GCSAML: variants seen among roughly 807,000 people sequenced by gnomAD.
GCSAML encodes germinal center associated signaling and motility like, also known as germinal center-associated signaling and motility-like protein.
A neutral mutation model predicts 13.0 loss-of-function variants in GCSAML; 9 were observed. The ratio of observed to expected loss-of-function variants is 0.69; its 90% confidence interval spans 0.42 to 1.21. The LOEUF (loss-of-function observed/expected upper bound fraction) is 1.21, where lower values mean the gene tolerates loss of function less well. Ranked by LOEUF, GCSAML falls within the 50% of genes most tolerant of loss-of-function variation. GCSAML has a pLI of 0.00. For synonymous variants in GCSAML, 37 were observed against 52.9 expected, an observed-to-expected ratio of 0.70 and a Z score of 1.31; for missense variants, 143 against 153.4, an observed-to-expected ratio of 0.93 and a Z score of 0.36.
chr1:247,559,930 C>T (rs1668067916), intron 2 of GCSAML, among the ~76,000 whole-genome samples: 1 of 152,162 alleles, frequency 6.6e-6, no homozygotes, highest in African/African-American at 2.4e-5. Context: ...GATCCTATCT[C>T]CAAATACAGT....
At chr1:247,531,410 G>T in intron 2 of GCSAML, 2 of 794,136 alleles carry the variant, frequency 2.5e-6, no homozygotes, top group Non-Finnish European at 4.0e-6. Flanking sequence ...GAAATGGCAT[G>T]AGCACACTCC....
At chr1:247,537,493 C>T (rs1919857) in intron 2 of GCSAML, among the ~76,000 whole-genome samples, 54,697 of 151,970 alleles carry the variant, frequency 0.36, 10,443 homozygotes, top group African/African-American at 0.49. Flanking sequence ...TCTGATTCTA[C>T]TGGGTATACC....
chr1:247,571,493 A>G (rs986744264), intron 4 of GCSAML, among the ~76,000 whole-genome samples: 10 of 152,196 alleles, frequency 6.6e-5, no homozygotes, highest in African/African-American at 2.4e-4. Context: ...TTCTGGGTTG[A>G]AAATTCTTGT....
At chr1:247,537,712 A>G (rs1667270106) in intron 2 of GCSAML, among the ~76,000 whole-genome samples, 1 of 151,578 alleles carries the variant, frequency 6.6e-6, no homozygotes, top group Non-Finnish European at 1.5e-5. Context: ...ACAAAGTGGC[A>G]TCTCATTGTG....
chr1:247,524,832 A>G (rs572437623), intron 1 of GCSAML: 2 of 152,328 alleles, frequency 1.3e-5, no homozygotes, highest in Non-Finnish European at 1.5e-5. Flanking sequence ...AATCATGTCA[A>G]CTACCGCTAC....
chr1:247,560,684 G>A (rs1243892169), intron 2 of GCSAML, among the ~76,000 whole-genome samples: 1 of 151,980 alleles, frequency 6.6e-6, no homozygotes, highest in African/African-American at 2.4e-5. Flanking sequence ...TGTATATACG[G>A]TGAAGTGATT....
chr1:247,554,652 T>C (rs1392908035), intron 1 of GCSAML, among the ~76,000 whole-genome samples: 2 of 152,182 alleles, frequency 1.3e-5, no homozygotes, highest in Admixed American at 1.3e-4. Flanking sequence ...AGTTCCTTTA[T>C]GATTCCCTCT....
chr1:247,537,359 A>T (rs2103015962), intron 2 of GCSAML, among the ~76,000 whole-genome samples: 1 of 152,306 alleles, frequency 6.6e-6, no homozygotes. Context: ...CCTTTTGTTT[A>T]TTCATCTGTT....
intron 2 of GCSAML, among the ~76,000 whole-genome samples, chr1:247,541,146 T>C (rs752951023): frequency 1.3e-5 from 2 of 152,014 alleles, no homozygotes; most frequent in African/African-American, 2.4e-5. Flanking sequence ...GTTTAAATTA[T>C]AAATCCTGTG....
At chr1:247,530,075 T>G (rs1450905333) in intron 2 of GCSAML, 1 of 152,136 alleles carries the variant, frequency 6.6e-6, no homozygotes, top group African/African-American at 2.4e-5. Flanking sequence ...TTACACATAT[T>G]TTTGGTTCTG....
intron 2 of GCSAML, among the ~76,000 whole-genome samples, chr1:247,560,220 A>T (rs1290080061): frequency 6.6e-6 from 1 of 152,212 alleles, no homozygotes; most frequent in Non-Finnish European, 1.5e-5. Flanking sequence ...GAGTGGCTGA[A>T]TTCCCCATTC....
chr1:247,511,580 C>T (rs1438415701), intron 1 of GCSAML, among the ~76,000 whole-genome samples: 1 of 152,120 alleles, frequency 6.6e-6, no homozygotes, highest in African/African-American at 2.4e-5. Flanking sequence ...GGTTATTTTG[C>T]CAGCTACTAG....
At chr1:247,535,996 A>G (rs1667203368) in intron 2 of GCSAML, among the ~76,000 whole-genome samples, 3 of 152,234 alleles carry the variant, frequency 2.0e-5, no homozygotes, top group African/African-American at 7.2e-5. Flanking sequence ...ATCGCAGAAC[A>G]TAGGCAAGCT....
chr1:247,566,254 A>T (rs906419253), intron 4 of GCSAML, among the ~76,000 whole-genome samples: 1 of 151,934 alleles, frequency 6.6e-6, no homozygotes, highest in South Asian at 2.1e-4. Context: ...TTATTTATTT[A>T]TTTTTTGAGA....
At chr1:247,507,579 T>C (rs1307717887) in intron 1 of GCSAML, among the ~76,000 whole-genome samples, 2 of 152,138 alleles carry the variant, frequency 1.3e-5, no homozygotes, top group Non-Finnish European at 2.9e-5. Context: ...AAGTGCAGGT[T>C]TGTTAAGCAT....
In GCSAML at chr1:247,537,021, T is replaced by C. The variant is rs921207690; in HGVS notation, c.-148+9967T>C. The stretch of plus-strand genomic sequence containing the variant: ...TAACTATTTTAAGTGTGCAAGTCAG[T>C]GGAATTAAGTTCTTTCACAAGACTG... On this transcript the variant is annotated intron_variant, in intron 2 of 5. Transcript: ENST00000366489. 4.6e-5 allele frequency among the ~76,000 whole-genome samples: 7 copies of C among 152,316 alleles called. No individual in the cohort carries two copies. In the East Asian group the frequency reaches 1.2e-3, roughly 25 times the overall value.
intron 1 of GCSAML, among the ~76,000 whole-genome samples, chr1:247,516,657 G>T (rs7541002): frequency 1.3e-5 from 2 of 150,486 alleles, no homozygotes; most frequent in Non-Finnish European, 2.9e-5. Context: ...AATCCTTTCA[G>T]ATTAGACCTC....
intron 2 of GCSAML, among the ~76,000 whole-genome samples, chr1:247,541,225 G>A (rs1667401209): frequency 6.6e-6 from 1 of 151,932 alleles, no homozygotes; most frequent in Non-Finnish European, 1.5e-5. Flanking sequence ...ACAAGGAAAT[G>A]CCTCTTGCTA....
intron 2 of GCSAML, among the ~76,000 whole-genome samples, chr1:247,561,250 G>C (rs1668116748): frequency 6.6e-6 from 1 of 152,048 alleles, no homozygotes; most frequent in East Asian, 1.9e-4. Flanking sequence ...CACCACACCT[G>C]GCCTACTTTT....
Sources: allele counts gnomAD v4.1 joint callset (sites outside exome capture counted in the v4.1 genomes callset), GRCh38; gene constraint gnomAD v4.1.1; transcripts MANE v1.5; gene names NCBI Gene and HGNC (gene_info 2026-07-23, HGNC 2026-07-21).